Variants in RBL2 observed in about 807,000 individuals in gnomAD.
RBL2 encodes the protein RB transcriptional corepressor like 2, also known as retinoblastoma-like protein 2.
A neutral mutation model predicts 126.0 loss-of-function variants in RBL2; 56 were observed. The observed-to-expected ratio is 0.44, with a 90% CI of 0.36 to 0.56. The LOEUF is 0.56. Ranked by LOEUF, RBL2 falls within the 20% of genes least tolerant of loss-of-function variation. The probability of loss-of-function intolerance (pLI) is 0.00; values close to 1 mark genes in which losing one functional copy is unlikely to be tolerated. For synonymous variants in RBL2, 454 were observed against 478.5 expected (o/e 0.95, Z 0.67); for missense variants, 1,229 against 1,398.2 (o/e 0.88, Z 1.93).
chr16:53,484,319 CTTAAAAAGGAG>C (rs1208336042), intron 21 of RBL2, among the ~76,000 whole-genome samples: 1 of 151,988 alleles, frequency 6.6e-6, no homozygotes, highest in African/African-American at 2.4e-5. Flanking sequence ...CAAAAGGTGG[CTTAAAAAGGAG>C]GAAAAAAGGA....
intron 5 of RBL2, 43 bp downstream of exon 5, chr16:53,451,874 G>A (rs548473274): frequency 6.2e-7 from 1 of 1,603,598 alleles, no homozygotes; most frequent in Non-Finnish European, 8.5e-7. Flanking sequence ...CTGCGTTTCT[G>A]TGTTATGTTT....
chr16:53,467,227 C>T, intron 14 of RBL2, 58 bp downstream of exon 14: 1 of 1,374,186 alleles, frequency 7.3e-7, no homozygotes, highest in South Asian at 1.2e-5. Context: ...ATTTAAATTT[C>T]ATCTAACCCT....
At chr16:53,461,672 A>C in intron 9 of RBL2, 69 bp from the exon 10 acceptor site, 1 of 1,094,388 alleles carries the variant, frequency 9.1e-7, no homozygotes, top group East Asian at 2.6e-5. Flanking sequence ...GTGAAATTAT[A>C]GAAACATTTT....
At chr16:53,472,406 C>T (rs1429352358) in intron 17 of RBL2, among the ~76,000 whole-genome samples, 1 of 152,198 alleles carries the variant, frequency 6.6e-6, no homozygotes, top group African/African-American at 2.4e-5. Flanking sequence ...TCCAGTTTCT[C>T]CACATCCTTG....
At chr16:53,466,070 T>C (rs2058269894) in intron 13 of RBL2, 1 of 152,814 alleles carries the variant, frequency 6.5e-6, no homozygotes, top group South Asian at 2.1e-4. Context: ...ACCTGTTCCT[T>C]GGCTGGGCAC....
rs1329523098 is a variant in RBL2 at position 53,491,145 on chromosome 16, A to G, written c.*845A>G. The G allele has an allele frequency of 3.3e-5, 5 of 152,508 alleles. No homozygotes were observed. The highest frequency in any genetic ancestry group is 7.3e-5 in the Non-Finnish European group (5 of 68,032). 9.4% of individuals were successfully genotyped at this position (152,508 alleles called of 1,614,324 possible). Reference sequence around the variant, plus strand: ...TAAATTCTCCAGTTTTTTGTTATATAGGGATCAACCAGCTAAGAAAAGATT... The same window carrying G: ...TAAATTCTCCAGTTTTTTGTTATATGGGGATCAACCAGCTAAGAAAAGATT... On this transcript the variant is annotated 3_prime_UTR_variant, in exon 22 of 22. Coordinates refer to ENST00000262133, the MANE Select transcript of RBL2 (RefSeq NM_005611.4).
chr16:53,446,922 T>C, intron 3 of RBL2, 120 bp from the exon 4 acceptor site: 1 of 487,842 alleles, frequency 2.0e-6, no homozygotes, highest in South Asian at 6.2e-5. Context: ...CATGTGAAGC[T>C]GAATCTGTTG....
intron 14 of RBL2, among the ~76,000 whole-genome samples, 191 bp from the exon 15 acceptor site, chr16:53,469,725 A>T (rs945139014): frequency 3.9e-5 from 6 of 152,376 alleles, no homozygotes; most frequent in Middle Eastern, 3.4e-3. Context: ...TGCTCTCAGT[A>T]GTGTTCACTG....
chr16:53,490,925 T>A lies in RBL2; in HGVS notation c.*625T>A, dbSNP rs1431696020. 6.6e-6 allele frequency: 1 copy of A among 152,668 alleles called. No homozygotes were observed. The highest frequency in any genetic ancestry group is 1.5e-5 in the Non-Finnish European group (1 of 68,048). The allele number at this position is 152,668 out of a possible 1,614,324, so 9.5% of individuals were successfully genotyped here. On this transcript the variant is annotated 3_prime_UTR_variant, in exon 22 of 22. Transcript: ENST00000262133. ...TGTGCAATGTCTGAGTGAACCTGTA[T>A]AAGTGGAGGCACTTTAGGGCTGTAA...
chr16:53,476,385 G>A (rs1266212765), intron 17 of RBL2, among the ~76,000 whole-genome samples: 1 of 152,132 alleles, frequency 6.6e-6, no homozygotes, highest in Non-Finnish European at 1.5e-5. Context: ...AATATATTAA[G>A]AATTGTTTTA....
chr16:53,452,328 A>T (rs372133412), intron 5 of RBL2, among the ~76,000 whole-genome samples: 2 of 152,228 alleles, frequency 1.3e-5, no homozygotes, highest in East Asian at 3.8e-4. Flanking sequence ...TAGGTATATA[A>T]TTTCTATGAA....
intron 17 of RBL2, 138 bp from the exon 18 acceptor site, chr16:53,479,016 G>A (rs955257344): frequency 2.5e-5 from 17 of 674,880 alleles, no homozygotes; most frequent in Middle Eastern, 4.9e-4. Context: ...GCTATATGCC[G>A]TTAATACCAT....
chr16:53,483,188 T>C (rs1053594936), intron 21 of RBL2, among the ~76,000 whole-genome samples: 1 of 152,156 alleles, frequency 6.6e-6, no homozygotes, highest in Non-Finnish European at 1.5e-5. Flanking sequence ...AAGCAACTCT[T>C]AGACATTAAT....
chr16:53,436,308 GT>G (rs2057958376), intron 1 of RBL2, among the ~76,000 whole-genome samples: 1 of 152,176 alleles, frequency 6.6e-6, no homozygotes, highest in South Asian at 2.1e-4. Context: ...TAGCAGTTAA[GT>G]TGTATGAAGT....
At chr16:53,487,524 C>T (rs981896101) in intron 21 of RBL2, 1 of 152,184 alleles carries the variant, frequency 6.6e-6, no homozygotes, top group Non-Finnish European at 1.5e-5. Flanking sequence ...CCATACCCTG[C>T]ACTATATACA....
At chr16:53,484,082 A>G (rs576011231) in intron 21 of RBL2, among the ~76,000 whole-genome samples, 1 of 152,360 alleles carries the variant, frequency 6.6e-6, no homozygotes, top group African/African-American at 2.4e-5. Flanking sequence ...GGCTTAGTCT[A>G]ATTCCAGTGA....
chr16:53,435,175 G>A (rs141784979), intron 1 of RBL2, among the ~76,000 whole-genome samples: 37 of 152,248 alleles, frequency 2.4e-4, no homozygotes, highest in African/African-American at 7.9e-4. Flanking sequence ...GCCCTTATTT[G>A]CACCGCGATT....
At chr16:53,483,803 G>A (rs1379400451) in intron 21 of RBL2, among the ~76,000 whole-genome samples, 5 of 150,342 alleles carry the variant, frequency 3.3e-5, no homozygotes, top group South Asian at 2.1e-4. Context: ...CTTGAATCCC[G>A]GAGGCAAAGT....
chr16:53,442,081 A>C (rs951338860), intron 2 of RBL2, among the ~76,000 whole-genome samples: 2 of 152,064 alleles, frequency 1.3e-5, no homozygotes, highest in Non-Finnish European at 2.9e-5. Context: ...CGGCCTCCCA[A>C]AGTGCTGGGA....
Sources: gnomAD v4.1 joint callset for allele counts (sites outside exome capture counted in the v4.1 genomes callset) on GRCh38, gnomAD v4.1.1 for gene constraint, MANE v1.5 for transcripts, NCBI Gene and HGNC (gene_info 2026-07-23, HGNC 2026-07-21) for gene names.